The following FBN2 variants were observed in gnomAD, a reference collection of about 807,000 sequenced individuals.
The protein encoded by FBN2 is fibrillin 2.
Under a neutral mutation model 355.6 loss-of-function variants are expected in FBN2, and 105 were observed. That is an observed-to-expected ratio of 0.30 (90% CI 0.25 to 0.35). FBN2 has a LOEUF of 0.35. Ranked by LOEUF, FBN2 falls within the 10% of genes least tolerant of loss-of-function variation. FBN2 has a pLI of 1.00. For synonymous variants in FBN2, 1,350 were observed against 1,301.2 expected (o/e 1.04, Z -0.81); for missense variants, 3,280 against 3,758.7 (o/e 0.87, Z 3.33).
chr5:128,289,010 G>C (rs1379642002), intron 52 of FBN2, 117 bp downstream of exon 52: 18 of 1,031,038 alleles, frequency 1.7e-5, no homozygotes, highest in Non-Finnish European at 3.0e-6. Context: ...GCCACTACTA[G>C]CTATTTATCC....
At chr5:128,423,232 CA>C (rs1288188961) in intron 7 of FBN2, among the ~76,000 whole-genome samples, 1 of 152,096 alleles carries the variant, frequency 6.6e-6, no homozygotes, top group African/African-American at 2.4e-5. Flanking sequence ...AGAGCATTCA[CA>C]AAGGCCAGGT....
chr5:128,287,927 A>G (rs1749203706), intron 53 of FBN2, among the ~76,000 whole-genome samples: 1 of 152,174 alleles, frequency 6.6e-6, no homozygotes, highest in Non-Finnish European at 1.5e-5. Flanking sequence ...GCATGACTGT[A>G]CTATGCATGT....
Position 128,274,578 on chromosome 5 carries a change from G to A in FBN2, c.7700C>T (p.Thr2567Ile), listed in dbSNP as rs150672907. The stretch of plus-strand genomic sequence containing the variant: ...TAACTTTGTCTTACCGATACAAGCA[G>A]TGTGATGCTGTGTGAAACCAGGTGG... ...KCPPGFTQHH[T>I]ACIDNNECGS... Residue 2567 changes from threonine (T) to isoleucine (I), a missense_variant, in exon 60 of 65, where the codon ACT becomes ATT. Around this residue, in one of 6 missense-constraint regions of FBN2, gnomAD observed 2,284 missense variants for 2,749.5 expected, o/e 0.83. Coordinates refer to ENST00000262464, the MANE Select transcript of FBN2 (RefSeq NM_001999.4). The A allele has an allele frequency of 5.1e-5, 81 of 1,593,738 alleles. 1 individual carries two copies. The African/African-American group carries it at 8.2e-4, about 16-fold the overall frequency.
chr5:128,490,027 T>C (rs1485157951), intron 5 of FBN2, among the ~76,000 whole-genome samples: 1 of 152,180 alleles, frequency 6.6e-6, no homozygotes, highest in Admixed American at 6.6e-5. Flanking sequence ...AATCATTTCA[T>C]GGAAAGAGCC....
At chr5:128,361,296 C>T (rs1050148106) in intron 19 of FBN2, among the ~76,000 whole-genome samples, 2 of 152,142 alleles carry the variant, frequency 1.3e-5, no homozygotes, top group African/African-American at 4.8e-5. Flanking sequence ...GGGCTGACTT[C>T]TTGGGTATAT....
At chr5:128,343,465 G>A (rs958312932) in intron 25 of FBN2, among the ~76,000 whole-genome samples, 1 of 152,150 alleles carries the variant, frequency 6.6e-6, no homozygotes, top group African/African-American at 2.4e-5. Flanking sequence ...AGAAAGATGT[G>A]GCCGTGAGGT....
At chr5:128,378,294 A>G (rs1490691770) in intron 12 of FBN2, among the ~76,000 whole-genome samples, 1 of 152,164 alleles carries the variant, frequency 6.6e-6, no homozygotes, top group Non-Finnish European at 1.5e-5. Context: ...GTGGATGAAT[A>G]GGAAATGAAA....
chr5:128,275,893 T>A (rs1561742918), intron 59 of FBN2, 145 bp downstream of exon 59: 2 of 899,594 alleles, frequency 2.2e-6, no homozygotes. Context: ...ATTGGTAGAG[T>A]TTTTCTATGA....
At chr5:128,284,557 G>A (rs1749084076) in intron 55 of FBN2, among the ~76,000 whole-genome samples, 1 of 152,172 alleles carries the variant, frequency 6.6e-6, no homozygotes, top group South Asian at 2.1e-4. Flanking sequence ...AAATAGTGTA[G>A]CTGGTCACGG....
In FBN2 at chr5:128,334,779, A is replaced by T; in HGVS notation, c.4039T>A (p.Ser1347Thr). Residue 1347 changes from serine (S) to threonine (T), a missense_variant, in exon 31 of 65, where the codon TCC becomes ACC. Physicochemically the swap from Ser to Thr is moderately conservative, Grantham distance 58. Coordinates refer to ENST00000262464, the MANE Select transcript of FBN2 (RefSeq NM_001999.4). The stretch of plus-strand genomic sequence containing the variant: ...CCCAGCTGACAGTGGCAAATGAAGG[A>T]TCCCTTTGTGTTCTCACATTCCCCA... ...MFGECENTKG[S>T]FICHCQLGYS... The T allele has an allele frequency of 6.2e-7, 1 of 1,613,556 alleles. No homozygotes were observed. The highest frequency in any genetic ancestry group is 8.5e-7 in the Non-Finnish European group (1 of 1,179,438).
chr5:128,450,608 A>G (rs1754212116), intron 6 of FBN2, among the ~76,000 whole-genome samples: 1 of 152,078 alleles, frequency 6.6e-6, no homozygotes, highest in Non-Finnish European at 1.5e-5. Flanking sequence ...TAAATCAATG[A>G]TCTCAGTTTC....
intron 5 of FBN2, among the ~76,000 whole-genome samples, chr5:128,506,917 T>C (rs1755977787): frequency 6.6e-6 from 1 of 152,130 alleles, no homozygotes; most frequent in Admixed American, 6.5e-5. Context: ...TGTTTTTTAA[T>C]ATCATAGGAT....
chr5:128,285,927 ATAAAT>A (rs971204236), intron 55 of FBN2, among the ~76,000 whole-genome samples: 7 of 152,238 alleles, frequency 4.6e-5, no homozygotes, highest in African/African-American at 1.7e-4. Context: ...TTTCATTCAA[ATAAAT>A]TAAAAGAGAA....
At position 128,481,773 on chromosome 5, in the gene FBN2, TG is replaced by T. The variant is rs529947723; in HGVS notation, c.629-16853del. On this transcript the variant is annotated intron_variant, in intron 5 of 64. Transcript: ENST00000262464. ...CAAAAAAATACTAGAAAATTTTTAG[TG>T]GAAAAAAAACACTTTACTTGAGTTT... Among the ~76,000 whole-genome samples the T allele has an allele frequency of 1.5e-4, 23 of 152,226 alleles. No homozygotes were observed. The East Asian group carries it at 4.1e-3, about 27-fold the overall frequency.
chr5:128,303,515 T>C (rs1030661340), intron 45 of FBN2, among the ~76,000 whole-genome samples: 1 of 139,060 alleles, frequency 7.2e-6, no homozygotes, highest in Non-Finnish European at 1.5e-5. Flanking sequence ...AGACAAACTT[T>C]AGTTTACTTA....
chr5:128,441,800 C>T (rs539321578), intron 7 of FBN2, among the ~76,000 whole-genome samples: 18 of 152,226 alleles, frequency 1.2e-4, no homozygotes, highest in Non-Finnish European at 1.8e-4. Flanking sequence ...GTTTTAACTA[C>T]AGTGTTATAA....
At chr5:128,413,442 G>C (rs1460547707) in intron 7 of FBN2, among the ~76,000 whole-genome samples, 2 of 151,870 alleles carry the variant, frequency 1.3e-5, no homozygotes, top group Non-Finnish European at 2.9e-5. Flanking sequence ...TGACTTCAAA[G>C]GGCAAAAAAA....
intron 3 of FBN2, among the ~76,000 whole-genome samples, chr5:128,530,104 T>C (rs1046042553): frequency 2.0e-5 from 3 of 152,218 alleles, no homozygotes; most frequent in Non-Finnish European, 4.4e-5. Flanking sequence ...AGATTAATCT[T>C]CGACCTTAAG....
chr5:128,327,224 C>T lies in FBN2; in HGVS notation c.4471+1472G>A, dbSNP rs140305038. Among the ~76,000 whole-genome samples the T allele has an allele frequency of 9.8e-5, 15 of 152,334 alleles. No individual in the cohort carries two copies. In the South Asian group the frequency reaches 2.1e-3, roughly 21 times the overall value. On this transcript the variant is annotated intron_variant, in intron 34 of 64. Transcript: ENST00000262464. ...TTGTGGGTCAACGTAGAAGCACGAA[C>T]GCTTTCAGTTTCCAACTTCATCTTC...
Sources: allele counts gnomAD v4.1 joint callset (sites outside exome capture counted in the v4.1 genomes callset), GRCh38; gene constraint gnomAD v4.1.1; regional missense constraint gnomAD v4.1.1; transcripts MANE v1.5; gene names NCBI Gene and HGNC (gene_info 2026-07-23, HGNC 2026-07-21).